Variants in LOC128462377 observed in about 807,000 individuals in gnomAD.
At chr16:89,328,448 T>C in the LOC128462377 span, among the ~76,000 whole-genome samples, 2 of 152,250 alleles carry the variant, frequency 1.3e-5, no homozygotes, top group Admixed American at 6.5e-5. Context: ...CTTCAACAGG[T>C]GTCCCAGCGG....
At chr16:89,409,123 T>C in the LOC128462377 span, among the ~76,000 whole-genome samples, 4 of 152,100 alleles carry the variant, frequency 2.6e-5, no homozygotes, top group Non-Finnish European at 5.9e-5. Context: ...TGGGGCCAGG[T>C]ATCAGGCCCC....
chr16:89,384,878 T>TC, the LOC128462377 span, among the ~76,000 whole-genome samples: 3 of 118,132 alleles, frequency 2.5e-5, no homozygotes, highest in African/African-American at 1.0e-4. Context: ...GAAATAGTTT[T>TC]CTTTTTTTTT....
At chr16:89,346,784 A>G in the LOC128462377 span, among the ~76,000 whole-genome samples, 1 of 152,262 alleles carries the variant, frequency 6.6e-6, no homozygotes, top group Admixed American at 6.5e-5. Context: ...ACATCCCAAT[A>G]AAGAGACTCT....
chr16:89,389,754 A>T, the LOC128462377 span, among the ~76,000 whole-genome samples: 1 of 149,398 alleles, frequency 6.7e-6, no homozygotes, highest in Non-Finnish European at 1.5e-5. Context: ...TGTGGCGGGG[A>T]GCACCGAGAG....
the LOC128462377 span, among the ~76,000 whole-genome samples, chr16:89,351,551 C>T: frequency 6.6e-6 from 1 of 152,204 alleles, no homozygotes; most frequent in Non-Finnish European, 1.5e-5. Flanking sequence ...TACAGACTCT[C>T]GGGCAGGTCT....
chr16:89,373,704 C>T, the LOC128462377 span, among the ~76,000 whole-genome samples: 4,460 of 152,298 alleles, frequency 0.029, 147 homozygotes, highest in African/African-American at 0.075. Context: ...CCTGCAGAAA[C>T]GCTGCAGACA....
At chr16:89,413,790 C>T in the LOC128462377 span, among the ~76,000 whole-genome samples, 1 of 152,134 alleles carries the variant, frequency 6.6e-6, no homozygotes, top group South Asian at 2.1e-4. Flanking sequence ...GTGAGGGTGC[C>T]AGGGAGACTC....
At chr16:89,403,594 A>G in the LOC128462377 span, 2 of 152,164 alleles carry the variant, frequency 1.3e-5, no homozygotes, top group African/African-American at 4.8e-5. Context: ...ACCAGAGACC[A>G]CTTACATAAA....
the LOC128462377 span, among the ~76,000 whole-genome samples, chr16:89,330,737 C>T: frequency 6.8e-6 from 1 of 146,460 alleles, no homozygotes; most frequent in Non-Finnish European, 1.5e-5. Flanking sequence ...ACTTCCACCT[C>T]ATCCTGTTCC....
the LOC128462377 span, among the ~76,000 whole-genome samples, chr16:89,362,817 C>T: frequency 6.6e-6 from 1 of 152,172 alleles, no homozygotes; most frequent in Non-Finnish European, 1.5e-5. Context: ...CCTTTCTCAG[C>T]ATTCCACAAA....
At chr16:89,361,113 C>T in the LOC128462377 span, among the ~76,000 whole-genome samples, 1 of 152,204 alleles carries the variant, frequency 6.6e-6, no homozygotes, top group Admixed American at 6.5e-5. Context: ...AACCTGTCAA[C>T]CCAATTACAG....
At chr16:89,344,791 C>T in the LOC128462377 span, among the ~76,000 whole-genome samples, 10 of 152,144 alleles carry the variant, frequency 6.6e-5, no homozygotes, top group Non-Finnish European at 1.0e-4. Context: ...AGGCCAGAGG[C>T]GGCTGGAGCA....
the LOC128462377 span, among the ~76,000 whole-genome samples, chr16:89,362,583 C>T: frequency 1.3e-5 from 2 of 152,196 alleles, no homozygotes; most frequent in African/African-American, 2.4e-5. Context: ...GACTTTCCTC[C>T]CCATCTAATT....
At chr16:89,333,345 C>G in the LOC128462377 span, among the ~76,000 whole-genome samples, 1 of 152,242 alleles carries the variant, frequency 6.6e-6, no homozygotes, top group African/African-American at 2.4e-5. Flanking sequence ...CCGTTTGTTA[C>G]AGCTGAGACC....
chr16:89,394,243 C>T, the LOC128462377 span, among the ~76,000 whole-genome samples: 5 of 152,216 alleles, frequency 3.3e-5, no homozygotes, highest in African/African-American at 1.2e-4. Flanking sequence ...TGCAGTTCCA[C>T]AGTGGTCTCC....
chr16:89,394,174 G>A, the LOC128462377 span, among the ~76,000 whole-genome samples: 7 of 151,786 alleles, frequency 4.6e-5, no homozygotes, highest in African/African-American at 7.3e-5. Context: ...TGAGGTCAAC[G>A]GGCAGGTGGC....
At chr16:89,366,795 A>G in the LOC128462377 span, among the ~76,000 whole-genome samples, 1 of 152,236 alleles carries the variant, frequency 6.6e-6, no homozygotes, top group African/African-American at 2.4e-5. Flanking sequence ...GGGGGCACCC[A>G]GGGCAGGGGT....
the LOC128462377 span, among the ~76,000 whole-genome samples, chr16:89,387,013 G>A: frequency 6.6e-6 from 1 of 152,002 alleles, no homozygotes; most frequent in Non-Finnish European, 1.5e-5. Context: ...GTGCTCTGGA[G>A]GCCGCCCGTG....
At chr16:89,344,143 T>C in the LOC128462377 span, among the ~76,000 whole-genome samples, 1 of 152,204 alleles carries the variant, frequency 6.6e-6, no homozygotes, top group South Asian at 2.1e-4. Context: ...GAGTCTGTGC[T>C]CTGGGAGGAG....
Sources: gnomAD v4.1 joint callset for allele counts (sites outside exome capture counted in the v4.1 genomes callset) on GRCh38, gnomAD v4.1.1 for gene constraint, MANE v1.5 for transcripts.